The following CACNA2D2 variants were observed in gnomAD, a reference collection of about 807,000 sequenced individuals.
CACNA2D2 encodes the protein calcium voltage-gated channel auxiliary subunit alpha2delta 2.
In CACNA2D2, 48 loss-of-function variants were observed where a neutral mutation model predicts 166.4. The ratio of observed to expected loss-of-function variants is 0.29; its 90% CI spans 0.23 to 0.37. The LOEUF (loss-of-function observed/expected upper bound fraction) is 0.37. CACNA2D2 is among the 10% of genes least tolerant of loss of function. The pLI is 1.00. For missense variants in CACNA2D2, 1,122 were observed against 1,433.0 expected (o/e 0.78, Z 3.50); for synonymous variants, 561 against 573.7 (o/e 0.98, Z 0.32).
Position 50,473,049 on chromosome 3 carries a change from C to G in CACNA2D2, c.288+3069G>C, listed in dbSNP as rs538296999. 3.3e-5 allele frequency among the ~76,000 whole-genome samples: 5 copies of G among 152,054 alleles called. No homozygotes were observed. The South Asian group carries it at 8.3e-4, about 25-fold the overall frequency. On this transcript the variant is annotated intron_variant, in intron 2 of 37. Transcript: ENST00000424201. The stretch of plus-strand genomic sequence containing the variant: ...TTGGGCTGGGGAACCCAGGAGGATG[C>G]GACTCAGGGTGTCTGGACAAGCGTG...
chr3:50,468,527 G>T (rs1184936398), intron 2 of CACNA2D2, among the ~76,000 whole-genome samples: 1 of 151,332 alleles, frequency 6.6e-6, no homozygotes, highest in Non-Finnish European at 1.5e-5. Context: ...GGGCCCTGCA[G>T]CAAAGCCAAG....
intron 2 of CACNA2D2, among the ~76,000 whole-genome samples, chr3:50,466,796 C>T (rs925351149): frequency 6.6e-6 from 1 of 152,256 alleles, no homozygotes; most frequent in African/African-American, 2.4e-5. Context: ...TGCCTTCCGG[C>T]CATGGTCTCC....
chr3:50,431,639 C>T (rs772227809), intron 3 of CACNA2D2, among the ~76,000 whole-genome samples: 11 of 152,158 alleles, frequency 7.2e-5, no homozygotes, highest in Non-Finnish European at 1.6e-4. Context: ...ACTCAGCACA[C>T]GGTGAGTATC....
chr3:50,440,294 C>T (rs879609333), intron 2 of CACNA2D2, among the ~76,000 whole-genome samples: 3 of 152,244 alleles, frequency 2.0e-5, no homozygotes, highest in Admixed American at 6.5e-5. Context: ...CCCTGGAGCC[C>T]TCAGGGCACA....
chr3:50,500,754 C>G (rs577878167), intron 1 of CACNA2D2, among the ~76,000 whole-genome samples: 8 of 126,710 alleles, frequency 6.3e-5, no homozygotes, highest in Non-Finnish European at 1.3e-4. Flanking sequence ...CCAACCCCCC[C>G]ACCCCCCGCC....
chr3:50,437,326 C>T (rs1708396457), intron 2 of CACNA2D2, among the ~76,000 whole-genome samples: 1 of 152,206 alleles, frequency 6.6e-6, no homozygotes, highest in Non-Finnish European at 1.5e-5. Context: ...CTCACGCTGT[C>T]CCTGCATCCC....
intron 3 of CACNA2D2, among the ~76,000 whole-genome samples, chr3:50,426,400 G>A (rs1047613039): frequency 1.3e-4 from 20 of 152,200 alleles, no homozygotes; most frequent in African/African-American, 4.6e-4. Context: ...GGGTGGGACA[G>A]GCTCTTGCAG....
Position 50,363,066 on chromosome 3 carries a change from G to T in CACNA2D2, c.*1600C>A. On this transcript the variant is annotated 3_prime_UTR_variant, in exon 38 of 38. Coordinates refer to ENST00000424201, the MANE Select transcript of CACNA2D2 (RefSeq NM_006030.4). ...ATTAGACCCAGCTGGGGGTTAGACA[G>T]CTACCTGATGGGGATTGTTTTGTCT... is the stretch of plus-strand genomic sequence containing the variant. The T allele has an allele frequency of 2.5e-6, 1 of 398,630 alleles. No homozygotes were observed. Among genetic ancestry groups the T allele is most frequent in the Non-Finnish European group, 4.4e-6 (1 of 226,052 alleles). 24.7% of individuals were successfully genotyped at this position (398,630 alleles called of 1,614,324 possible).
intron 1 of CACNA2D2, among the ~76,000 whole-genome samples, chr3:50,481,112 TAAAC>T (rs1321317497): frequency 6.6e-5 from 10 of 152,062 alleles, no homozygotes; most frequent in Admixed American, 5.2e-4. Flanking sequence ...CATCTATAAT[TAAAC>T]AAATCAAAAA....
intron 3 of CACNA2D2, among the ~76,000 whole-genome samples, chr3:50,421,831 G>C (rs1366951897): frequency 6.6e-6 from 1 of 152,126 alleles, no homozygotes; most frequent in Non-Finnish European, 1.5e-5. Flanking sequence ...GTGAGTCCAG[G>C]GGAAAGGCCA....
intron 1 of CACNA2D2, among the ~76,000 whole-genome samples, chr3:50,497,446 G>T (rs1698769579): frequency 6.6e-6 from 1 of 152,182 alleles, no homozygotes; most frequent in Non-Finnish European, 1.5e-5. Flanking sequence ...CCTGGTTTGT[G>T]AGGCTCTCCC....
At chr3:50,385,203 G>A (rs1705529269) in intron 5 of CACNA2D2, among the ~76,000 whole-genome samples, 1 of 152,202 alleles carries the variant, frequency 6.6e-6, no homozygotes, top group Admixed American at 6.5e-5. Flanking sequence ...GAGGGAAGAT[G>A]GTGGTAGAGA....
chr3:50,474,814 C>T (rs1710240263), intron 2 of CACNA2D2, among the ~76,000 whole-genome samples: 1 of 152,178 alleles, frequency 6.6e-6, no homozygotes, highest in African/African-American at 2.4e-5. Flanking sequence ...TAAATTGACT[C>T]CTGTTCCGGA....
chr3:50,398,836 A>G (rs1378397259), intron 3 of CACNA2D2, among the ~76,000 whole-genome samples: 1 of 152,212 alleles, frequency 6.6e-6, no homozygotes, highest in Non-Finnish European at 1.5e-5. Flanking sequence ...TTAACAATCA[A>G]TTTCCCTCAG....
At position 50,380,728 on chromosome 3, in the gene CACNA2D2, G is replaced by T; in HGVS notation, c.842+20C>A. 6.6e-7 allele frequency: 1 copy of T among 1,505,574 alleles called. No individual in the cohort carries two copies. The highest frequency in any genetic ancestry group is 8.9e-7 in the Non-Finnish European group (1 of 1,125,804). 93.3% of individuals were successfully genotyped at this position (1,505,574 alleles called of 1,614,324 possible). On this transcript the variant is annotated intron_variant, in intron 8 of 37. Coordinates refer to ENST00000424201, the MANE Select transcript of CACNA2D2 (RefSeq NM_006030.4). This position sits in a 1 kb window ranked among gnomAD's most constrained non-coding sequence, Gnocchi z 4.9. ...GGAACTGAGGGGGTGTCCCTCCCCA[G>T]CCCCTTCTTGCTCGCTCACCAGGGT... is the stretch of plus-strand genomic sequence containing the variant.
chr3:50,467,430 G>T (rs141879175), intron 2 of CACNA2D2, among the ~76,000 whole-genome samples: 2 of 152,174 alleles, frequency 1.3e-5, no homozygotes, highest in Non-Finnish European at 2.9e-5. Flanking sequence ...AGTCAGAGCC[G>T]GGATCTGTCC....
At position 50,427,080 on chromosome 3, in the gene CACNA2D2, C is replaced by T. The variant is rs554251423; in HGVS notation, c.405+7233G>A. 5.3e-5 allele frequency among the ~76,000 whole-genome samples: 8 copies of T among 152,188 alleles called. No individual in the cohort carries two copies. Among genetic ancestry groups the T allele is most frequent in the Non-Finnish European group, 7.4e-5 (5 of 68,026 alleles). On this transcript the variant is annotated intron_variant, in intron 3 of 37. Transcript: ENST00000424201. This position sits in a 1 kb window ranked among gnomAD's most constrained non-coding sequence, Gnocchi z 4.7. The stretch of plus-strand genomic sequence containing the variant: ...GGGTAGCGTCTTTGCCCAAGGCTCA[C>T]GCTGACCCCAGGGACACTTGGGTTT...
intron 1 of CACNA2D2, among the ~76,000 whole-genome samples, chr3:50,492,544 C>T (rs527571065): frequency 2.0e-5 from 3 of 152,304 alleles, no homozygotes; most frequent in South Asian, 2.1e-4. Flanking sequence ...CTGTACCACA[C>T]GGGAGTTAAA....
At chr3:50,430,719 T>C (rs1007756835) in intron 3 of CACNA2D2, among the ~76,000 whole-genome samples, 1 of 152,160 alleles carries the variant, frequency 6.6e-6, no homozygotes, top group African/African-American at 2.4e-5. Flanking sequence ...AGGAGAGTCC[T>C]GATTTGGGTC....
Sources: gnomAD v4.1 joint callset for allele counts (sites outside exome capture counted in the v4.1 genomes callset) on GRCh38, gnomAD v4.1.1 for gene constraint, Gnocchi (gnomAD v3.1) non-coding constraint, MANE v1.5 for transcripts, NCBI Gene and HGNC (gene_info 2026-07-23, HGNC 2026-07-21) for gene names.